Variants in PLCB1 observed in about 807,000 individuals in gnomAD.
The protein encoded by PLCB1 is 1-phosphatidylinositol 4,5-bisphosphate phosphodiesterase beta-1.
Under a neutral mutation model 161.8 loss-of-function variants are expected in PLCB1, and 46 were observed. That is an observed-to-expected ratio of 0.28 (90% CI 0.22 to 0.36). PLCB1 has a LOEUF of 0.36. Ranked by LOEUF, PLCB1 falls within the 10% of genes least tolerant of loss-of-function variation. The pLI is 1.00. For missense variants in PLCB1, 1,016 were observed against 1,472.5 expected, an observed-to-expected ratio of 0.69 and a Z score of 5.07; for synonymous variants, 517 against 503.7, an observed-to-expected ratio of 1.03 and a Z score of -0.35.
At chr20:8,511,355 C>A (rs997068762) in intron 3 of PLCB1, among the ~76,000 whole-genome samples, 1 of 152,070 alleles carries the variant, frequency 6.6e-6, no homozygotes. Context: ...CAAAACATTT[C>A]TTTATCCATT....
At chr20:8,497,980 C>T (rs1304607048) in intron 3 of PLCB1, among the ~76,000 whole-genome samples, 1 of 152,168 alleles carries the variant, frequency 6.6e-6, no homozygotes, top group Non-Finnish European at 1.5e-5. Context: ...AATAATGACT[C>T]TCCAAATATC....
intron 31 of PLCB1, among the ~76,000 whole-genome samples, chr20:8,860,732 C>T (rs185637267): frequency 4.5e-4 from 68 of 152,334 alleles, no homozygotes; most frequent in Non-Finnish European, 4.7e-4. Flanking sequence ...AGTGCATTCT[C>T]ATGTGTTTCT....
intron 11 of PLCB1, among the ~76,000 whole-genome samples, chr20:8,699,153 G>GACA (rs1462551895): frequency 6.6e-6 from 1 of 152,174 alleles, no homozygotes; most frequent in African/African-American, 2.4e-5. Context: ...AGGGCCAGAG[G>GACA]ACAACCTCTC....
At chr20:8,257,146 C>G (rs1981466029) in intron 2 of PLCB1, among the ~76,000 whole-genome samples, 1 of 152,112 alleles carries the variant, frequency 6.6e-6, no homozygotes, top group Admixed American at 6.6e-5. Context: ...CAACCTTCAC[C>G]TGGAGAACAT....
intron 2 of PLCB1, among the ~76,000 whole-genome samples, chr20:8,213,145 G>T (rs1471259933): frequency 6.6e-6 from 1 of 152,098 alleles, no homozygotes; most frequent in Admixed American, 6.6e-5. Context: ...GAATTTTGGG[G>T]GCCTGGTGTT....
In PLCB1 at chr20:8,150,876, A is replaced by G. The variant is rs184308453; in HGVS notation, c.177+505A>G. Among the ~76,000 whole-genome samples, 123 of 152,284 alleles carry G rather than the reference A, an allele frequency of 8.1e-4. 1 individual carries two copies. The highest frequency in any genetic ancestry group is 3.4e-3 in the Middle Eastern group (1 of 294). On this transcript the variant is annotated intron_variant, in intron 2 of 31. Coordinates refer to ENST00000338037, the MANE Select transcript of PLCB1 (RefSeq NM_015192.4). Reference sequence around the variant, plus strand: ...ACCAAGAATAAAATTCCTTTAGCCTATTCCTTCAGTTGTCAGGAATTTCTT... The same window carrying G: ...ACCAAGAATAAAATTCCTTTAGCCTGTTCCTTCAGTTGTCAGGAATTTCTT...
intron 2 of PLCB1, among the ~76,000 whole-genome samples, chr20:8,362,920 T>G (rs1329117160): frequency 6.6e-6 from 1 of 152,192 alleles, no homozygotes; most frequent in African/African-American, 2.4e-5. Flanking sequence ...TTCTATTATG[T>G]ACATAGGGTC....
At chr20:8,409,610 C>T (rs1479107678) in intron 3 of PLCB1, among the ~76,000 whole-genome samples, 1 of 151,776 alleles carries the variant, frequency 6.6e-6, no homozygotes, top group Non-Finnish European at 1.5e-5. Context: ...TTACAGGCGC[C>T]CACCACCACG....
intron 3 of PLCB1, among the ~76,000 whole-genome samples, chr20:8,391,658 CAA>C (rs1987587855): frequency 6.6e-6 from 1 of 151,542 alleles, no homozygotes; most frequent in African/African-American, 2.4e-5. Context: ...TAACTGGTAA[CAA>C]GACATAAATC....
At chr20:8,873,273 G>A (rs1016612121) in intron 31 of PLCB1, among the ~76,000 whole-genome samples, 1 of 152,110 alleles carries the variant, frequency 6.6e-6, no homozygotes, top group Non-Finnish European at 1.5e-5. Context: ...CTAAAAATAA[G>A]ATGAGGCCTT....
In PLCB1 at chr20:8,792,508, C is replaced by T. The variant is rs6056118; in HGVS notation, c.3423+2247C>T. The T allele has an allele frequency of 0.65, 305,133 of 469,140 alleles. 100,235 individuals are homozygous for T. Among genetic ancestry groups the T allele is most frequent in the East Asian group, 0.85 (12,224 of 14,386 alleles). The allele number at this position is 469,140 out of a possible 1,614,324, so 29.1% of individuals were successfully genotyped here. ...ATAACAATTTTTTGTTTCTTCCTTT[C>T]TGGCCCCTTGGAAAGAGATCTGAAG... is the stretch of plus-strand genomic sequence containing the variant. On this transcript the variant is annotated intron_variant, in intron 31 of 31. Transcript: ENST00000338037.
chr20:8,736,683 AGAGT>A (rs780283160), intron 19 of PLCB1, among the ~76,000 whole-genome samples: 102 of 152,284 alleles, frequency 6.7e-4, no homozygotes, highest in African/African-American at 2.2e-3. Flanking sequence ...GAGAAGAGAG[AGAGT>A]GAGGGGGGAA....
chr20:8,457,984 A>G (rs981337310), intron 3 of PLCB1, among the ~76,000 whole-genome samples: 1 of 152,246 alleles, frequency 6.6e-6, no homozygotes, highest in African/African-American at 2.4e-5. Context: ...TATCAGTTGC[A>G]TTTGGCACAG....
intron 3 of PLCB1, among the ~76,000 whole-genome samples, chr20:8,396,626 C>T (rs975516887): frequency 6.6e-6 from 1 of 151,978 alleles, no homozygotes; most frequent in Admixed American, 6.6e-5. Context: ...TTAATTTTGT[C>T]AACATCTGAT....
intron 3 of PLCB1, among the ~76,000 whole-genome samples, chr20:8,476,639 A>C (rs1005927050): frequency 6.6e-6 from 1 of 152,196 alleles, no homozygotes; most frequent in African/African-American, 2.4e-5. Context: ...AAATCACCTT[A>C]AAATCTTATT....
chr20:8,491,462 C>T (rs1272524838), intron 3 of PLCB1, among the ~76,000 whole-genome samples: 1 of 152,050 alleles, frequency 6.6e-6, no homozygotes. Context: ...TTACATTAGA[C>T]CACTTTTCTG....
chr20:8,630,181 G>A (rs1988541837), intron 4 of PLCB1, among the ~76,000 whole-genome samples: 1 of 150,192 alleles, frequency 6.7e-6, no homozygotes, highest in Non-Finnish European at 1.5e-5. Flanking sequence ...CTGCCTCCTG[G>A]GTTCAAGCCA....
chr20:8,395,786 G>A (rs1411111330), intron 3 of PLCB1, among the ~76,000 whole-genome samples: 3 of 151,790 alleles, frequency 2.0e-5, no homozygotes, highest in Non-Finnish European at 4.4e-5. Context: ...GAAATACTGT[G>A]AAGGTGTGAC....
At chr20:8,353,904 T>G (rs992190628) in intron 2 of PLCB1, among the ~76,000 whole-genome samples, 3 of 152,008 alleles carry the variant, frequency 2.0e-5, no homozygotes, top group Non-Finnish European at 4.4e-5. Flanking sequence ...TTGTATCAAA[T>G]GTATCATACT....
Sources: allele counts gnomAD v4.1 joint callset (sites outside exome capture counted in the v4.1 genomes callset), GRCh38; gene constraint gnomAD v4.1.1; transcripts MANE v1.5; gene names NCBI Gene and HGNC (gene_info 2026-07-23, HGNC 2026-07-21).